Variants in SULT1E1 observed in about 807,000 individuals in gnomAD.
SULT1E1 encodes sulfotransferase family 1E member 1.
A neutral mutation model predicts 33.6 loss-of-function variants in SULT1E1; 36 were observed. The ratio of observed to expected loss-of-function variants is 1.07; its 90% CI spans 0.82 to 1.41. The LOEUF is 1.41. Ranked by LOEUF, SULT1E1 falls within the 40% of genes most tolerant of loss-of-function variation. The pLI, the probability that SULT1E1 is intolerant of heterozygous loss-of-function variation, is 0.00. For missense variants in SULT1E1, 371 were observed against 345.7 expected (o/e 1.07, Z -0.58); for synonymous variants, 121 against 111.7 (o/e 1.08, Z -0.53).
chr4:69,822,421 G>A, the SULT1E1 span, among the ~76,000 whole-genome samples: 2 of 152,066 alleles, frequency 1.3e-5, no homozygotes, highest in East Asian at 3.9e-4. Context: ...AGCCTGGGCA[G>A]CATAGCAAGA....
intron 4 of SULT1E1, among the ~76,000 whole-genome samples, chr4:69,851,718 C>A (rs1276969935): frequency 6.6e-6 from 1 of 152,112 alleles, no homozygotes; most frequent in Admixed American, 6.5e-5. Flanking sequence ...AGACTTGGAA[C>A]CAACCCAAAT....
chr4:69,825,053 G>A, the SULT1E1 span, among the ~76,000 whole-genome samples: 6 of 152,028 alleles, frequency 3.9e-5, no homozygotes, highest in Non-Finnish European at 1.5e-5. Flanking sequence ...CCACCAGGAG[G>A]AACAAACAAC....
intron 4 of SULT1E1, among the ~76,000 whole-genome samples, chr4:69,853,789 T>C (rs1429758201): frequency 6.6e-6 from 1 of 152,146 alleles, no homozygotes; most frequent in Non-Finnish European, 1.5e-5. Flanking sequence ...TTTGCATGCC[T>C]AACAGCACCA....
chr4:69,854,266 T>A lies in SULT1E1; in HGVS notation c.320A>T (p.His107Leu). 6.2e-7 allele frequency: 1 copy of A among 1,612,146 alleles called. No homozygotes were observed. Among genetic ancestry groups the A allele is most frequent in the Non-Finnish European group, 8.5e-7 (1 of 1,178,754 alleles). ...GGCAGGAAGAAGTTCAGGTGGCAAA[T>A]GAGTCTTCACAATTCTAGGAGAATT... ...EMNSPRIVKT[H>L]LPPELLPASF... The change falls in exon 4 of 8, where the codon CAT (histidine) becomes CTT (leucine). Residue 107 changes from histidine (H) to leucine (L), a missense_variant. Physicochemically the swap from His to Leu is moderately conservative, Grantham distance 99. Coordinates refer to ENST00000226444, the MANE Select transcript of SULT1E1 (RefSeq NM_005420.3).
the SULT1E1 span, among the ~76,000 whole-genome samples, chr4:69,828,590 A>T: frequency 6.6e-6 from 1 of 152,138 alleles, no homozygotes; most frequent in Non-Finnish European, 1.5e-5. Flanking sequence ...CAGTCACTGC[A>T]AGCTTCCGTG....
intron 1 of SULT1E1, among the ~76,000 whole-genome samples, chr4:69,859,146 C>T (rs1298281991): frequency 6.6e-6 from 1 of 152,016 alleles, no homozygotes; most frequent in Admixed American, 6.6e-5. Flanking sequence ...GTATGTAGGT[C>T]AGTTGTTCAG....
intron 4 of SULT1E1, 123 bp downstream of exon 4, chr4:69,854,094 C>T: frequency 3.6e-6 from 2 of 560,292 alleles, no homozygotes; most frequent in Non-Finnish European, 6.0e-6. Context: ...GTATTTATTC[C>T]ACATTTGTTA....
intron 5 of SULT1E1, among the ~76,000 whole-genome samples, chr4:69,848,635 A>G (rs962910985): frequency 6.6e-6 from 1 of 150,766 alleles, no homozygotes; most frequent in African/African-American, 2.4e-5. Context: ...ATCTTAAGAC[A>G]TATGTATTAC....
In SULT1E1 at chr4:69,849,524, A is replaced by G. The variant is rs1208507410; in HGVS notation, c.409T>C (p.Ser137Pro). ...LCRNAKDVAV[S>P]FYYFFLMVAG... ...ACCATTAGAAAGAAATAATAAAAGG[A>G]AACAGCCACATCCTTTGCATTCCGG... The change falls in exon 5 of 8, where the codon TCC becomes CCC. Residue 137 changes from serine to proline, a missense_variant. By Grantham distance (74) the Ser-to-Pro change is moderately conservative. Coordinates refer to ENST00000226444, the MANE Select transcript of SULT1E1 (RefSeq NM_005420.3). 1.9e-6 allele frequency: 3 copies of G among 1,611,310 alleles called. No homozygotes were observed. Among genetic ancestry groups the G allele is most frequent in the Admixed American group, 3.3e-5 (2 of 59,746 alleles).
chr4:69,845,971 A>G (rs1720968877), intron 6 of SULT1E1, among the ~76,000 whole-genome samples: 1 of 150,848 alleles, frequency 6.6e-6, no homozygotes, highest in South Asian at 2.1e-4. Flanking sequence ...ATAAATGCTC[A>G]CCAAAAACAC....
At chr4:69,847,450 A>G (rs555192185) in intron 6 of SULT1E1, among the ~76,000 whole-genome samples, 44 of 151,524 alleles carry the variant, frequency 2.9e-4, no homozygotes, top group African/African-American at 9.9e-4. Context: ...CATGAAGTCA[A>G]GTTCTTTCAA....
intron 4 of SULT1E1, 150 bp downstream of exon 4, chr4:69,854,067 C>T (rs569448527): frequency 1.2e-5 from 6 of 506,320 alleles, no homozygotes; most frequent in Admixed American, 7.5e-5. Context: ...AATATAGACT[C>T]TCTGACAATA....
At chr4:69,840,903 G>A (rs1191923540), downstream of SULT1E1, among the ~76,000 whole-genome samples, 4 of 151,960 alleles carry the variant, frequency 2.6e-5, no homozygotes, top group African/African-American at 7.3e-5. Flanking sequence ...AAAATTAGCC[G>A]GGCGTGGTGG....
At chr4:69,849,669 C>A in intron 4 of SULT1E1, 106 bp from the exon 5 acceptor site, 2 of 1,031,484 alleles carry the variant, frequency 1.9e-6, no homozygotes, top group Non-Finnish European at 2.7e-6. Context: ...ACATAATACA[C>A]ATTAATTTTA....
rs767220507 is a variant in SULT1E1, at chr4:69,844,188, G to C, written c.745C>G (p.Gln249Glu). The part of the protein sequence containing the change: ...YTTLPDEIMN[Q>E]KLSPFMRKGI... Reference sequence around the variant, plus strand: ...TTTCTCATGAAGGGCGACAATTTCTGGTTCATAATTTCGTCTGGCAGTGTT... The same window carrying C: ...TTTCTCATGAAGGGCGACAATTTCTCGTTCATAATTTCGTCTGGCAGTGTT... The change falls in exon 7 of 8, where the codon CAG (glutamine) becomes GAG (glutamate). Residue 249 changes from glutamine to glutamate, a missense_variant. Transcript: ENST00000226444. 4 of 1,613,838 alleles carry C rather than the reference G, an allele frequency of 2.5e-6. No individual in the cohort carries two copies. The highest frequency in any genetic ancestry group is 1.7e-5 in the Admixed American group (1 of 59,988).
At chr4:69,846,334 G>GA (rs1194839663) in intron 6 of SULT1E1, among the ~76,000 whole-genome samples, 10 of 143,702 alleles carry the variant, frequency 7.0e-5, no homozygotes, top group African/African-American at 5.1e-5. Context: ...AAAAGAAAAG[G>GA]AAAAAAACTG....
downstream of SULT1E1, among the ~76,000 whole-genome samples, chr4:69,839,454 A>G (rs1394342191): frequency 6.6e-6 from 1 of 152,196 alleles, no homozygotes; most frequent in Non-Finnish European, 1.5e-5. Context: ...TAATCCATTT[A>G]TGAGGGCAGA....
chr4:69,853,485 T>C (rs923309048), intron 4 of SULT1E1, among the ~76,000 whole-genome samples: 1 of 152,170 alleles, frequency 6.6e-6, no homozygotes, highest in African/African-American at 2.4e-5. Flanking sequence ...TGATTTTAGA[T>C]GCCCCCTCAG....
At chr4:69,854,116 A>T in intron 4 of SULT1E1, 101 bp downstream of exon 4, 1 of 729,670 alleles carries the variant, frequency 1.4e-6, no homozygotes, top group Non-Finnish European at 2.2e-6. Flanking sequence ...GTGTCTATAG[A>T]TTCAATGAAA....
Sources: allele counts gnomAD v4.1 joint callset (sites outside exome capture counted in the v4.1 genomes callset), GRCh38; gene constraint gnomAD v4.1.1; transcripts MANE v1.5; gene names NCBI Gene and HGNC (gene_info 2026-07-23, HGNC 2026-07-21).